The following SOX5 variants were observed in gnomAD, a reference collection of about 807,000 sequenced individuals.
SOX5 encodes the protein SRY-box transcription factor 5.
A neutral mutation model predicts 92.0 loss-of-function variants in SOX5; 9 were observed. The observed-to-expected ratio is 0.10, with a 90% confidence interval of 0.06 to 0.17. SOX5 has a LOEUF of 0.17. Among genes scored for constraint, SOX5 ranks in the 10% least tolerant of loss-of-function variants. The pLI is 1.00. For synonymous variants in SOX5, 344 were observed against 336.3 expected (o/e 1.02, Z -0.25); for missense variants, 642 against 944.5 (o/e 0.68, Z 4.20).
At chr12:24,012,542 A>G (rs1430717764) in intron 4 of SOX5, among the ~76,000 whole-genome samples, 1 of 152,192 alleles carries the variant, frequency 6.6e-6, no homozygotes, top group Non-Finnish European at 1.5e-5. Context: ...CAATCTTTGA[A>G]TATCTCTGAC....
intron 1 of SOX5, among the ~76,000 whole-genome samples, chr12:24,401,805 G>C (rs978230843): frequency 6.8e-6 from 1 of 148,058 alleles, no homozygotes; most frequent in South Asian, 2.1e-4. Context: ...AGCCTACAAA[G>C]CCTAAAATAT....
At chr12:24,304,784 G>A (rs1031808352) in intron 2 of SOX5, among the ~76,000 whole-genome samples, 1 of 152,034 alleles carries the variant, frequency 6.6e-6, no homozygotes, top group Non-Finnish European at 1.5e-5. Flanking sequence ...CTCCTTGTTA[G>A]CACGATTGTT....
intron 4 of SOX5, among the ~76,000 whole-genome samples, chr12:24,090,941 A>G (rs937633315): frequency 6.6e-6 from 1 of 152,192 alleles, no homozygotes; most frequent in Non-Finnish European, 1.5e-5. Context: ...GTTGACAGAG[A>G]ACTGTCGACA....
chr12:24,546,514 T>C (rs1387835197), intron 1 of SOX5, among the ~76,000 whole-genome samples: 3 of 152,168 alleles, frequency 2.0e-5, no homozygotes, highest in Admixed American at 2.0e-4. Flanking sequence ...CCAAACTATC[T>C]GTAATTCCAA....
intron 1 of SOX5, among the ~76,000 whole-genome samples, chr12:24,491,865 GT>G (rs983730288): frequency 2.0e-5 from 3 of 152,042 alleles, no homozygotes; most frequent in East Asian, 1.9e-4. Flanking sequence ...AAGCAGAGTT[GT>G]TTTTTTGGTT....
intron 3 of SOX5, among the ~76,000 whole-genome samples, chr12:23,830,139 A>T (rs1594843671): frequency 6.6e-6 from 1 of 152,200 alleles, no homozygotes; most frequent in Non-Finnish European, 1.5e-5. Context: ...TTCAGTGTTG[A>T]AAAATTATGA....
chr12:24,439,666 G>A (rs966336679), intron 1 of SOX5, among the ~76,000 whole-genome samples: 14 of 152,160 alleles, frequency 9.2e-5, no homozygotes, highest in Admixed American at 5.2e-4. Flanking sequence ...AGGCCAACGC[G>A]GGTGGAGGAA....
intron 4 of SOX5, among the ~76,000 whole-genome samples, chr12:24,040,512 AAATGTTTC>A (rs781144701): frequency 6.6e-5 from 10 of 152,254 alleles, no homozygotes; most frequent in Non-Finnish European, 1.2e-4. Flanking sequence ...TGAAAAATAG[AAATGTTTC>A]AATGTTTCAT....
At chr12:23,858,294 C>A (rs769613773) in intron 2 of SOX5, among the ~76,000 whole-genome samples, 1 of 152,036 alleles carries the variant, frequency 6.6e-6, no homozygotes, top group Non-Finnish European at 1.5e-5. Context: ...GCAAACTATG[C>A]ATCTCACAAA....
At chr12:24,185,612 T>C (rs1205734534) in intron 4 of SOX5, among the ~76,000 whole-genome samples, 1 of 152,140 alleles carries the variant, frequency 6.6e-6, no homozygotes, top group Non-Finnish European at 1.5e-5. Flanking sequence ...TGGGTTTGAA[T>C]TGTTGTTTTG....
intron 4 of SOX5, among the ~76,000 whole-genome samples, chr12:23,970,839 TA>T (rs869033072): frequency 0.014 from 652 of 45,766 alleles, 143 homozygotes; most frequent in African/African-American, 0.045. Flanking sequence ...TATATATATA[TA>T]ATTTTTTTTT....
chr12:24,381,199 G>A (rs904189457), intron 1 of SOX5, among the ~76,000 whole-genome samples: 4 of 152,088 alleles, frequency 2.6e-5, no homozygotes, highest in Admixed American at 6.5e-5. Flanking sequence ...ATTGACCAAC[G>A]AAAAACCAAA....
At chr12:24,033,038 G>C (rs1192507070) in intron 4 of SOX5, among the ~76,000 whole-genome samples, 4 of 151,876 alleles carry the variant, frequency 2.6e-5, no homozygotes, top group Admixed American at 2.6e-4. Flanking sequence ...GCACGTTTGT[G>C]AGGAGGTCTA....
At chr12:24,376,743 G>T (rs1404821564) in intron 1 of SOX5, among the ~76,000 whole-genome samples, 1 of 98,718 alleles carries the variant, frequency 1.0e-5, no homozygotes, top group African/African-American at 4.0e-5. Flanking sequence ...GAGTCTCACT[G>T]TCACCCAGGC....
At chr12:23,592,264 C>A (rs191281389) in intron 9 of SOX5, among the ~76,000 whole-genome samples, 1 of 151,994 alleles carries the variant, frequency 6.6e-6, no homozygotes, top group Non-Finnish European at 1.5e-5. Context: ...TCTGATAAGA[C>A]CCGAAAAAGG....
At chr12:23,700,517 A>G (rs1020302359) in intron 6 of SOX5, among the ~76,000 whole-genome samples, 1 of 152,106 alleles carries the variant, frequency 6.6e-6, no homozygotes, top group Non-Finnish European at 1.5e-5. Context: ...TTGTTCCTTC[A>G]CAATGCCACA....
At chr12:23,907,455 G>A (rs1263421503) in intron 1 of SOX5, among the ~76,000 whole-genome samples, 1 of 151,892 alleles carries the variant, frequency 6.6e-6, no homozygotes, top group African/African-American at 2.4e-5. Context: ...TATTTTAAAG[G>A]AAAATAGAAG....
At chr12:24,470,562 G>T (rs894978813) in intron 1 of SOX5, among the ~76,000 whole-genome samples, 4 of 151,860 alleles carry the variant, frequency 2.6e-5, no homozygotes, top group Non-Finnish European at 5.9e-5. Context: ...GAAAGGGGCT[G>T]GGGGGTGGGC....
chr12:24,498,019 G>A (rs1406778783), intron 1 of SOX5, among the ~76,000 whole-genome samples: 1 of 152,080 alleles, frequency 6.6e-6, no homozygotes, highest in Admixed American at 6.6e-5. Flanking sequence ...GACACATGGG[G>A]GTGGGGAGGA....
Sources: allele counts gnomAD v4.1 joint callset (sites outside exome capture counted in the v4.1 genomes callset), GRCh38; gene constraint gnomAD v4.1.1; transcripts MANE v1.5; gene names NCBI Gene and HGNC (gene_info 2026-07-23, HGNC 2026-07-21).